Variants in LRP1B observed in about 807,000 individuals in gnomAD.
The protein encoded by LRP1B is low-density lipoprotein receptor-related protein 1B.
LRP1B carries 217 observed loss-of-function variants against 556.6 expected under a neutral mutation model. That is an observed-to-expected ratio of 0.39 (90% CI 0.35 to 0.44). LRP1B has a LOEUF of 0.44. Ranked by LOEUF, LRP1B falls within the 20% of genes least tolerant of loss-of-function variation. LRP1B has a pLI of 1.00. For synonymous variants in LRP1B, 2,047 were observed against 1,865.8 expected (o/e 1.10, Z -2.50); for missense variants, 5,053 against 5,620.8 (o/e 0.90, Z 3.23).
At chr2:141,854,274 C>T (rs1205092125) in intron 1 of LRP1B, among the ~76,000 whole-genome samples, 2 of 151,940 alleles carry the variant, frequency 1.3e-5, no homozygotes, top group Admixed American at 1.3e-4. Flanking sequence ...AGAACATCGT[C>T]ATAATTGTGG....
In LRP1B at chr2:140,453,044, C is replaced by A. The variant is rs137970307; in HGVS notation, c.9964-2383G>T. On this transcript the variant is annotated intron_variant, in intron 62 of 90. Transcript: ENST00000389484. The stretch of plus-strand genomic sequence containing the variant: ...GACTGTCTGGGGATATGAGGGAAAG[C>A]AGTTACCCTTAACATTAAAATTTCT... 6.2e-3 allele frequency among the ~76,000 whole-genome samples: 919 copies of A among 148,342 alleles called. 6 individuals carry two copies. The highest frequency in any genetic ancestry group is 0.021 in the African/African-American group (861 of 40,362).
At chr2:140,965,498 T>C (rs67939738) in intron 18 of LRP1B, among the ~76,000 whole-genome samples, 32,711 of 152,020 alleles carry the variant, frequency 0.22, 3,643 homozygotes, top group Middle Eastern at 0.28. Context: ...AGAGTATCTA[T>C]ACATGTAAAT....
intron 43 of LRP1B, among the ~76,000 whole-genome samples, chr2:140,545,887 A>G (rs902270825): frequency 2.6e-5 from 4 of 152,074 alleles, no homozygotes; most frequent in African/African-American, 7.2e-5. Context: ...ATTCGTATCC[A>G]TGAGCATGGA....
At chr2:142,129,142 A>G (rs879357510) in intron 1 of LRP1B, among the ~76,000 whole-genome samples, 2 of 152,144 alleles carry the variant, frequency 1.3e-5, no homozygotes, top group Non-Finnish European at 2.9e-5. Context: ...CATTTTTCCT[A>G]AGAAAGGTTG....
At chr2:140,481,610 T>TATTATC (rs146369279) in intron 59 of LRP1B, among the ~76,000 whole-genome samples, 19,194 of 147,646 alleles carry the variant, frequency 0.13, 1,685 homozygotes, top group Non-Finnish European at 0.19. Context: ...TTATTATTAT[T>TATTATC]ATTATTATTA....
intron 43 of LRP1B, among the ~76,000 whole-genome samples, chr2:140,557,006 A>T (rs935316301): frequency 6.6e-6 from 1 of 152,150 alleles, no homozygotes; most frequent in Non-Finnish European, 1.5e-5. Flanking sequence ...CAAATATTTT[A>T]AAAATAAAAA....
chr2:141,096,635 A>AGG (rs1383903643), intron 7 of LRP1B, among the ~76,000 whole-genome samples: 4 of 52,366 alleles, frequency 7.6e-5, no homozygotes, highest in African/African-American at 3.0e-4. Context: ...AGGGGGAGAG[A>AGG]GAGAGAGAGA....
Position 141,601,168 on chromosome 2 carries a change from AGATC to A in LRP1B, c.206-120639_206-120636del, listed in dbSNP as rs370076962. On this transcript the variant is annotated intron_variant, in intron 2 of 90. Coordinates refer to ENST00000389484, the MANE Select transcript of LRP1B (RefSeq NM_018557.3). Reference sequence around the variant, plus strand: ...CTCAGGAAGCTTTTAAGTTTAAAATAGATCCTAAACATATAGTATCTGTCTGTCT... The same window carrying A: ...CTCAGGAAGCTTTTAAGTTTAAAATACTAAACATATAGTATCTGTCTGTCT... Among the ~76,000 whole-genome samples, 15 of 151,946 alleles carry A rather than the reference AGATC, an allele frequency of 9.9e-5. No individual in the cohort carries two copies. The South Asian group carries it at 2.9e-3, about 30-fold the overall frequency.
At chr2:141,827,436 C>A (rs1696975705) in intron 1 of LRP1B, among the ~76,000 whole-genome samples, 1 of 152,042 alleles carries the variant, frequency 6.6e-6, no homozygotes, top group African/African-American at 2.4e-5. Flanking sequence ...TGGGGGCATC[C>A]CAGCCCTAGT....
rs1684828610 is a variant in LRP1B, at chr2:141,530,391, C to T, written c.206-49858G>A. 3.3e-5 allele frequency among the ~76,000 whole-genome samples: 5 copies of T among 152,088 alleles called. No individual in the cohort carries two copies. The South Asian group carries it at 1.0e-3, about 31-fold the overall frequency. The stretch of plus-strand genomic sequence containing the variant: ...GAACAGGAGGGAACTGTTCTTTTCA[C>T]CTACCACTGATTCTATCTCTGATCC... On this transcript the variant is annotated intron_variant, in intron 2 of 90. Coordinates refer to ENST00000389484, the MANE Select transcript of LRP1B (RefSeq NM_018557.3).
chr2:141,191,884 A>G (rs1681528100), intron 6 of LRP1B, among the ~76,000 whole-genome samples: 1 of 151,926 alleles, frequency 6.6e-6, no homozygotes. Flanking sequence ...CCATTCAATG[A>G]CCCATCCCTC....
At chr2:140,311,330 CTATG>C (rs1401617961) in intron 83 of LRP1B, among the ~76,000 whole-genome samples, 1 of 151,874 alleles carries the variant, frequency 6.6e-6, no homozygotes, top group Non-Finnish European at 1.5e-5. Flanking sequence ...TACACACACA[CTATG>C]GGATACTACT....
chr2:141,062,236 C>T lies in LRP1B; in HGVS notation c.1051G>A (p.Val351Met), dbSNP rs1699356602. 2 of 1,611,078 alleles carry T rather than the reference C, an allele frequency of 1.2e-6. No homozygotes were observed. The highest frequency in any genetic ancestry group is 1.1e-5 in the South Asian group (1 of 90,930). Residue 351 changes from valine to methionine, a missense_variant, in exon 8 of 91, where the codon GTG becomes ATG. Around this residue, in one of 5 missense-constraint regions of LRP1B, gnomAD observed 3,619 missense variants for 3,931.9 expected, o/e 0.92. Transcript: ENST00000389484. The stretch of plus-strand genomic sequence containing the variant: ...ATCCCATCCATGTCACATCTCTCCA[C>T]TTTGGCGACATTCCCGTAGTCAGTA... ...FFTDYGNVAK[V>M]ERCDMDGMNR... is the part of the protein sequence containing the mutation.
intron 1 of LRP1B, among the ~76,000 whole-genome samples, chr2:142,061,997 C>T (rs1271720982): frequency 6.6e-6 from 1 of 151,796 alleles, no homozygotes; most frequent in African/African-American, 2.4e-5. Context: ...TGCTATTGCT[C>T]AGGAGTTGCT....
intron 1 of LRP1B, among the ~76,000 whole-genome samples, chr2:142,108,861 T>C (rs1706856384): frequency 6.6e-6 from 1 of 152,222 alleles, no homozygotes; most frequent in Admixed American, 6.5e-5. Flanking sequence ...GATACTCACA[T>C]TGCTCCACAC....
intron 41 of LRP1B, among the ~76,000 whole-genome samples, chr2:140,698,418 G>A (rs534783125): frequency 5.3e-5 from 8 of 152,090 alleles, no homozygotes; most frequent in South Asian, 4.2e-4. Flanking sequence ...CAACAATTGC[G>A]TTCATCTAAA....
chr2:141,408,823 T>C (rs970279177), intron 3 of LRP1B, among the ~76,000 whole-genome samples: 1 of 152,164 alleles, frequency 6.6e-6, no homozygotes, highest in Non-Finnish European at 1.5e-5. Context: ...TCAAAATATA[T>C]TTATTCTTCC....
At chr2:141,533,633 C>T (rs1684966916) in intron 2 of LRP1B, among the ~76,000 whole-genome samples, 1 of 152,130 alleles carries the variant, frequency 6.6e-6, no homozygotes, top group Admixed American at 6.6e-5. Context: ...AATGAGGACA[C>T]CATTAACTTA....
chr2:140,329,441 G>C (rs1680676361), intron 79 of LRP1B, among the ~76,000 whole-genome samples: 1 of 152,002 alleles, frequency 6.6e-6, no homozygotes, highest in South Asian at 2.1e-4. Flanking sequence ...AATAGGAGGA[G>C]AGAAATTCAT....
Sources: gnomAD v4.1 joint callset for allele counts (sites outside exome capture counted in the v4.1 genomes callset) on GRCh38, gnomAD v4.1.1 for gene constraint, gnomAD v4.1.1 regional missense constraint, MANE v1.5 for transcripts, NCBI Gene and HGNC (gene_info 2026-07-23, HGNC 2026-07-21) for gene names.